Variants in UNC5D observed in about 807,000 individuals in gnomAD.
The protein encoded by UNC5D is unc-5 netrin receptor D, also known as netrin receptor UNC5D.
UNC5D carries 39 observed loss-of-function variants against 105.4 expected under a neutral mutation model. The observed-to-expected ratio is 0.37, with a 90% CI of 0.29 to 0.48. The LOEUF (loss-of-function observed/expected upper bound fraction) is 0.48, where lower values mean the gene tolerates loss of function less well. UNC5D is among the 20% of genes least tolerant of loss of function. The pLI, the probability that UNC5D is intolerant of heterozygous loss-of-function variation, is 0.98. For synonymous variants in UNC5D, 452 were observed against 450.4 expected, an observed-to-expected ratio of 1.00 and a Z score of -0.04; for missense variants, 991 against 1,202.4, an observed-to-expected ratio of 0.82 and a Z score of 2.60.
At chr8:35,293,200 A>G (rs1261609874) in intron 1 of UNC5D, among the ~76,000 whole-genome samples, 1 of 152,138 alleles carries the variant, frequency 6.6e-6, no homozygotes, top group Non-Finnish European at 1.5e-5. Flanking sequence ...GTGGAAGTAG[A>G]AGGGGAGGCA....
chr8:35,281,323 G>A (rs1309005895), intron 1 of UNC5D, among the ~76,000 whole-genome samples: 1 of 152,088 alleles, frequency 6.6e-6, no homozygotes, highest in East Asian at 1.9e-4. Flanking sequence ...TATACAAGGG[G>A]CACCATTTAT....
chr8:35,368,980 T>G (rs1259303130), intron 1 of UNC5D, among the ~76,000 whole-genome samples: 1 of 152,216 alleles, frequency 6.6e-6, no homozygotes, highest in Admixed American at 6.5e-5. Context: ...TTGTTTAAGC[T>G]GCCCATGCTA....
chr8:35,641,043 G>A (rs528637455), intron 4 of UNC5D, among the ~76,000 whole-genome samples: 13 of 151,636 alleles, frequency 8.6e-5, no homozygotes, highest in Non-Finnish European at 1.5e-4. Context: ...TAAGAAATTC[G>A]ATTAGATTTG....
intron 1 of UNC5D, chr8:35,255,410 C>T (rs1303579168): frequency 3.9e-5 from 6 of 152,196 alleles, no homozygotes; most frequent in African/African-American, 1.4e-4. Context: ...GTTAAATGAG[C>T]TAATTAAGAG....
At chr8:35,400,030 C>G (rs1290136152) in intron 1 of UNC5D, among the ~76,000 whole-genome samples, 1 of 152,020 alleles carries the variant, frequency 6.6e-6, no homozygotes, top group African/African-American at 2.4e-5. Context: ...GGATATGATG[C>G]CTGGAGCAAT....
At chr8:35,554,451 T>C (rs1348712396) in intron 2 of UNC5D, among the ~76,000 whole-genome samples, 1 of 152,234 alleles carries the variant, frequency 6.6e-6, no homozygotes, top group African/African-American at 2.4e-5. Context: ...GAACTCGTCT[T>C]CCTTGTGTTG....
chr8:35,633,632 G>A (rs1401835310), intron 4 of UNC5D, among the ~76,000 whole-genome samples: 1 of 152,104 alleles, frequency 6.6e-6, no homozygotes, highest in Non-Finnish European at 1.5e-5. Context: ...GCACATGCCT[G>A]TAATCCTAGC....
chr8:35,391,593 A>G (rs1803777094), intron 1 of UNC5D, among the ~76,000 whole-genome samples: 1 of 152,234 alleles, frequency 6.6e-6, no homozygotes, highest in Non-Finnish European at 1.5e-5. Flanking sequence ...TGTGACCAAC[A>G]CGCTAAATAG....
At chr8:35,265,906 T>TA (rs1804837238) in intron 1 of UNC5D, among the ~76,000 whole-genome samples, 1 of 148,740 alleles carries the variant, frequency 6.7e-6, no homozygotes, top group African/African-American at 2.5e-5. Flanking sequence ...ATAATAATAA[T>TA]ATATCTGGGA....
intron 1 of UNC5D, among the ~76,000 whole-genome samples, chr8:35,467,572 CAAAAA>C (rs769649743): frequency 4.7e-5 from 2 of 42,538 alleles, no homozygotes; most frequent in South Asian, 9.9e-4. Context: ...CTATGACAGG[CAAAAA>C]AAAAAAAAAA....
At chr8:35,453,669 A>T (rs908503509) in intron 1 of UNC5D, among the ~76,000 whole-genome samples, 2 of 152,098 alleles carry the variant, frequency 1.3e-5, no homozygotes, top group African/African-American at 4.8e-5. Flanking sequence ...TGTTTGGCCT[A>T]GTTCTTTTTT....
At chr8:35,474,789 T>C (rs1281585378) in intron 1 of UNC5D, among the ~76,000 whole-genome samples, 1 of 152,144 alleles carries the variant, frequency 6.6e-6, no homozygotes, top group Non-Finnish European at 1.5e-5. Context: ...GTTGTTGCAG[T>C]AGCTAAGATA....
intron 1 of UNC5D, among the ~76,000 whole-genome samples, chr8:35,465,420 T>G (rs1421794065): frequency 1.3e-5 from 2 of 149,900 alleles, no homozygotes; most frequent in African/African-American, 5.0e-5. Flanking sequence ...AAAAGCCACA[T>G]AAGTCTCAAT....
At chr8:35,694,627 T>A (rs1327297594) in intron 7 of UNC5D, among the ~76,000 whole-genome samples, 1 of 152,156 alleles carries the variant, frequency 6.6e-6, no homozygotes, top group Non-Finnish European at 1.5e-5. Flanking sequence ...TGTGAGAAGA[T>A]AAACTAATCT....
intron 1 of UNC5D, among the ~76,000 whole-genome samples, chr8:35,274,479 G>A (rs945216724): frequency 6.6e-5 from 10 of 152,176 alleles, no homozygotes; most frequent in African/African-American, 9.7e-5. Context: ...CTGGTGTGTG[G>A]CCTGTGAGTG....
chr8:35,400,655 C>T (rs951403310), intron 1 of UNC5D, among the ~76,000 whole-genome samples: 7 of 152,092 alleles, frequency 4.6e-5, no homozygotes, highest in Non-Finnish European at 1.0e-4. Flanking sequence ...TCAGGTTACA[C>T]CCAGAGGCAT....
At chr8:35,418,888 A>G (rs1375355918) in intron 1 of UNC5D, among the ~76,000 whole-genome samples, 2 of 152,234 alleles carry the variant, frequency 1.3e-5, no homozygotes, top group Admixed American at 1.3e-4. Flanking sequence ...GGAAGGAAGA[A>G]GTGGTAGACG....
At chr8:35,480,897 T>C (rs1006441481) in intron 1 of UNC5D, among the ~76,000 whole-genome samples, 4 of 152,012 alleles carry the variant, frequency 2.6e-5, no homozygotes, top group Admixed American at 6.6e-5. Flanking sequence ...TGGATGGAGG[T>C]GGAGGATAAG....
chr8:35,512,108 C>T (rs1232554574), intron 1 of UNC5D, among the ~76,000 whole-genome samples: 2 of 152,128 alleles, frequency 1.3e-5, no homozygotes, highest in African/African-American at 2.4e-5. Context: ...CCAATCAAAA[C>T]ACCTCACTTC....
Sources: gnomAD v4.1 joint callset for allele counts (sites outside exome capture counted in the v4.1 genomes callset) on GRCh38, gnomAD v4.1.1 for gene constraint, MANE v1.5 for transcripts, NCBI Gene and HGNC (gene_info 2026-07-23, HGNC 2026-07-21) for gene names.